Variants in THSD4 observed in about 807,000 individuals in gnomAD.
THSD4 encodes the protein thrombospondin type 1 domain containing 4, also known as thrombospondin type-1 domain-containing protein 4.
Under a neutral mutation model 119.0 loss-of-function variants are expected in THSD4, and 69 were observed. The ratio of observed to expected loss-of-function variants is 0.58; its 90% CI spans 0.48 to 0.71. THSD4 has a LOEUF of 0.71. Among genes scored for constraint, THSD4 ranks in the 30% least tolerant of loss-of-function variants. The pLI, the probability that THSD4 is intolerant of heterozygous loss-of-function variation, is 0.00. For missense variants in THSD4, 1,393 were observed against 1,391.1 expected, an observed-to-expected ratio of 1.00 and a Z score of -0.02; for synonymous variants, 524 against 540.4, an observed-to-expected ratio of 0.97 and a Z score of 0.42.
chr15:71,180,240 A>G (rs896360935), intron 3 of THSD4, among the ~76,000 whole-genome samples: 2 of 152,184 alleles, frequency 1.3e-5, no homozygotes, highest in East Asian at 3.8e-4. Flanking sequence ...GTATTTGCAA[A>G]TCATATATCT....
chr15:71,360,087 G>A (rs1168428024), intron 6 of THSD4, among the ~76,000 whole-genome samples: 1 of 152,120 alleles, frequency 6.6e-6, no homozygotes, highest in Non-Finnish European at 1.5e-5. Context: ...TCAGATGGTG[G>A]CTGAGGCTGG....
chr15:71,679,741 G>A (rs529690145), intron 8 of THSD4, among the ~76,000 whole-genome samples: 1 of 152,192 alleles, frequency 6.6e-6, no homozygotes, highest in African/African-American at 2.4e-5. Flanking sequence ...GAAGATGCTC[G>A]GCTGGAGAAG....
At chr15:71,558,801 TATG>T (rs1216019370) in intron 7 of THSD4, among the ~76,000 whole-genome samples, 1 of 152,192 alleles carries the variant, frequency 6.6e-6, no homozygotes, top group African/African-American at 2.4e-5. Flanking sequence ...AATTTTTCAT[TATG>T]ATATTTTCTC....
chr15:71,371,285 G>A (rs1413756307), intron 6 of THSD4, among the ~76,000 whole-genome samples: 1 of 152,128 alleles, frequency 6.6e-6, no homozygotes, highest in Non-Finnish European at 1.5e-5. Context: ...TACATTTAAG[G>A]TTAATATTGT....
intron 6 of THSD4, among the ~76,000 whole-genome samples, chr15:71,321,273 AGCCT>A (rs2045264425): frequency 7.0e-6 from 1 of 142,634 alleles, no homozygotes; most frequent in African/African-American, 2.6e-5. Flanking sequence ...CGGTGGCTCA[AGCCT>A]GTAATCCCAG....
chr15:71,239,912 C>T (rs1023421752), intron 4 of THSD4, among the ~76,000 whole-genome samples: 4 of 152,234 alleles, frequency 2.6e-5, no homozygotes, highest in Admixed American at 2.0e-4. Context: ...GAATCTGCCA[C>T]TTGTCCAAAT....
intron 6 of THSD4, among the ~76,000 whole-genome samples, chr15:71,278,906 G>A (rs928278330): frequency 6.6e-6 from 1 of 152,110 alleles, no homozygotes; most frequent in Admixed American, 6.5e-5. Context: ...TAATTTATTG[G>A]GCTGAGTTGA....
At chr15:71,485,970 G>T (rs2047810107) in intron 7 of THSD4, among the ~76,000 whole-genome samples, 1 of 152,082 alleles carries the variant, frequency 6.6e-6, no homozygotes, top group Non-Finnish European at 1.5e-5. Flanking sequence ...GTAATTACTT[G>T]TGGCAAATAT....
intron 8 of THSD4, among the ~76,000 whole-genome samples, chr15:71,701,396 G>A (rs1451433585): frequency 6.6e-6 from 1 of 152,132 alleles, no homozygotes; most frequent in Non-Finnish European, 1.5e-5. Context: ...GGAGAAGTTT[G>A]TGACTCACTA....
intron 6 of THSD4, among the ~76,000 whole-genome samples, chr15:71,409,764 A>G (rs2046658164): frequency 6.6e-6 from 1 of 152,182 alleles, no homozygotes; most frequent in Admixed American, 6.5e-5. Flanking sequence ...ACACTGGGGA[A>G]ATATGCTGTA....
At chr15:71,677,966 G>A (rs946221302) in intron 8 of THSD4, among the ~76,000 whole-genome samples, 8 of 152,160 alleles carry the variant, frequency 5.3e-5, no homozygotes, top group Non-Finnish European at 1.2e-4. Context: ...CCTTGCATGA[G>A]GAATAACATT....
At chr15:71,476,314 C>T (rs1226511793) in intron 7 of THSD4, among the ~76,000 whole-genome samples, 1 of 152,178 alleles carries the variant, frequency 6.6e-6, no homozygotes, top group Non-Finnish European at 1.5e-5. Flanking sequence ...TCACTGCAGC[C>T]TCCGCCTCCC....
At chr15:71,584,688 T>A (rs1239335743) in intron 7 of THSD4, among the ~76,000 whole-genome samples, 1 of 152,232 alleles carries the variant, frequency 6.6e-6, no homozygotes, top group Non-Finnish European at 1.5e-5. Context: ...TTTGATTAGA[T>A]AATTTAATCT....
intron 3 of THSD4, among the ~76,000 whole-genome samples, chr15:71,199,766 G>GT (rs2043771460): frequency 9.0e-6 from 1 of 111,436 alleles, no homozygotes; most frequent in Non-Finnish European, 1.8e-5. Context: ...TGATGTGTGT[G>GT]GTGTGTGTGG....
intron 2 of THSD4, among the ~76,000 whole-genome samples, chr15:71,153,274 A>G (rs1382330979): frequency 6.6e-6 from 1 of 152,130 alleles, no homozygotes; most frequent in Admixed American, 6.5e-5. Context: ...AGGGAAATTC[A>G]CACCTAGCAA....
chr15:71,633,398 C>G (rs2050675368), intron 7 of THSD4, among the ~76,000 whole-genome samples: 2 of 151,754 alleles, frequency 1.3e-5, no homozygotes, highest in Admixed American at 6.6e-5. Context: ...ATCTCAGCCT[C>G]CCCATTAGCT....
At chr15:71,368,267 G>A (rs568282173) in intron 6 of THSD4, among the ~76,000 whole-genome samples, 14 of 152,256 alleles carry the variant, frequency 9.2e-5, no homozygotes, top group African/African-American at 3.4e-4. Flanking sequence ...TTCTTTTGCT[G>A]TGCAGAAGCT....
chr15:71,679,826 G>A lies in THSD4; in HGVS notation c.1357+19092G>A, dbSNP rs557769967. On this transcript the variant is annotated intron_variant, in intron 8 of 17. Coordinates refer to ENST00000261862, the MANE Select transcript of THSD4 (RefSeq NM_024817.3). ...TAGAGGAGGAGGGGGAGCGGCTGCT[G>A]TAAAAAGGCCTGGCCTATAGGAAGA... Among the ~76,000 whole-genome samples, 16 of 152,324 alleles carry A rather than the reference G, an allele frequency of 1.1e-4. No homozygotes were observed. The South Asian group carries it at 2.9e-3, about 28-fold the overall frequency.
intron 7 of THSD4, among the ~76,000 whole-genome samples, chr15:71,632,385 C>T (rs1177288522): frequency 6.6e-6 from 1 of 152,180 alleles, no homozygotes; most frequent in East Asian, 1.9e-4. Context: ...GACCTCTCTC[C>T]AGGTGTTACC....
Sources: allele counts gnomAD v4.1 joint callset (sites outside exome capture counted in the v4.1 genomes callset), GRCh38; gene constraint gnomAD v4.1.1; transcripts MANE v1.5; gene names NCBI Gene and HGNC (gene_info 2026-07-23, HGNC 2026-07-21).